Variants in ROBO1 observed in about 807,000 individuals in gnomAD.
ROBO1 encodes roundabout homolog 1.
A neutral mutation model predicts 195.9 loss-of-function variants in ROBO1; 149 were observed. The ratio of observed to expected loss-of-function variants is 0.76; its 90% CI spans 0.67 to 0.87. ROBO1 has a LOEUF of 0.87. Among genes scored for constraint, ROBO1 ranks in the 40% least tolerant of loss-of-function variants. ROBO1 has a pLI of 0.00. For synonymous variants in ROBO1, 816 were observed against 733.2 expected, an observed-to-expected ratio of 1.11 and a Z score of -1.82; for missense variants, 1,933 against 2,068.3, an observed-to-expected ratio of 0.93 and a Z score of 1.27.
At chr3:79,251,781 A>C (rs1164158385) in intron 2 of ROBO1, among the ~76,000 whole-genome samples, 2 of 151,404 alleles carry the variant, frequency 1.3e-5, no homozygotes, top group Non-Finnish European at 2.9e-5. Flanking sequence ...AAACAAACAA[A>C]CAAACAACCA....
chr3:78,633,938 A>T lies in ROBO1; in HGVS notation c.3478T>A (p.Ser1160Thr). 1 of 1,597,604 alleles carries T rather than the reference A, an allele frequency of 6.3e-7. No homozygotes were observed. Among genetic ancestry groups the T allele is most frequent in the Middle Eastern group, 1.7e-4 (1 of 6,000 alleles). The change falls in exon 24 of 31, where the codon TCT (serine) becomes ACT (threonine). Residue 1160 changes from serine (S) to threonine (T), a missense_variant. Physicochemically the swap from Ser to Thr is moderately conservative, Grantham distance 58. Transcript: ENST00000464233. ...YNSSDRGSSTSGSQGHKKGAR... is the reference protein window; with the variant it reads ...YNSSDRGSSTTGSQGHKKGAR... ...TTCTTTGGTTCATCTTACTTACCAG[A>T]TGTACTACTGCCCCGGTCTGAGCTG...
At chr3:79,417,791 G>A (rs944228034) in intron 2 of ROBO1, among the ~76,000 whole-genome samples, 54 of 152,250 alleles carry the variant, frequency 3.5e-4, no homozygotes, top group African/African-American at 1.3e-3. Flanking sequence ...CTATAGATTA[G>A]TTTTGTTGGA....
chr3:78,635,880 T>C lies in ROBO1; in HGVS notation c.3266A>G (p.Asn1089Ser). 7.4e-6 allele frequency: 12 copies of C among 1,613,896 alleles called. No homozygotes were observed. The highest frequency in any genetic ancestry group is 1.0e-5 in the Non-Finnish European group (12 of 1,179,824). The change falls in exon 23 of 31, where the codon AAT becomes AGT. Residue 1089 changes from asparagine (N) to serine (S), a missense_variant. Coordinates refer to ENST00000464233, the MANE Select transcript of ROBO1 (RefSeq NM_002941.4). The part of the protein sequence containing the change: ...IQSNLSNNMN[N>S]GSGDSGEKHW... ...CTTCTCGCCAGAGTCCCCGCTGCCATTGTTCATGTTGTTGCTGAGGTTTGA... is the reference window on the plus strand; with the variant it reads ...CTTCTCGCCAGAGTCCCCGCTGCCACTGTTCATGTTGTTGCTGAGGTTTGA...
intron 2 of ROBO1, among the ~76,000 whole-genome samples, chr3:79,248,632 G>T (rs1186632306): frequency 6.6e-6 from 1 of 152,268 alleles, no homozygotes; most frequent in Non-Finnish European, 1.5e-5. Flanking sequence ...ATGTAATAAG[G>T]ATTGGGAGGC....
intron 2 of ROBO1, among the ~76,000 whole-genome samples, chr3:79,276,597 A>G (rs2031054832): frequency 6.6e-6 from 1 of 152,090 alleles, no homozygotes; most frequent in Non-Finnish European, 1.5e-5. Flanking sequence ...AAGCATAGGC[A>G]ACCAAAGCAA....
At chr3:79,152,366 GA>G (rs1355300040) in intron 2 of ROBO1, among the ~76,000 whole-genome samples, 1 of 151,688 alleles carries the variant, frequency 6.6e-6, no homozygotes, top group East Asian at 1.9e-4. Context: ...GAAAGAAAGA[GA>G]AAAAAGAATG....
At chr3:79,704,953 T>G (rs1947724305) in intron 1 of ROBO1, among the ~76,000 whole-genome samples, 1 of 152,064 alleles carries the variant, frequency 6.6e-6, no homozygotes, top group Non-Finnish European at 1.5e-5. Context: ...GAGCTTCTTT[T>G]CATGTGCTTA....
chr3:78,668,380 C>A, intron 12 of ROBO1, 78 bp from the exon 13 acceptor site: 1 of 1,586,552 alleles, frequency 6.3e-7, no homozygotes, highest in East Asian at 2.2e-5. Context: ...ATAACATATT[C>A]ATACACCTAC....
At chr3:78,718,918 A>G (rs1043940074) in intron 5 of ROBO1, among the ~76,000 whole-genome samples, 19 of 144,272 alleles carry the variant, frequency 1.3e-4, no homozygotes, top group African/African-American at 4.9e-4. Flanking sequence ...GAAACATTCT[A>G]GCACATTTTT....
intron 3 of ROBO1, among the ~76,000 whole-genome samples, chr3:79,099,642 T>C (rs1295721299): frequency 6.6e-6 from 1 of 151,806 alleles, no homozygotes; most frequent in Non-Finnish European, 1.5e-5. Context: ...TTGAAAAATA[T>C]AGATATATTT....
chr3:79,411,604 G>A (rs2037769334), intron 2 of ROBO1, among the ~76,000 whole-genome samples: 1 of 152,100 alleles, frequency 6.6e-6, no homozygotes, highest in Non-Finnish European at 1.5e-5. Context: ...TGAACTTCAT[G>A]TTAAATTACA....
At chr3:78,927,450 A>G (rs2039284483) in intron 4 of ROBO1, among the ~76,000 whole-genome samples, 1 of 152,208 alleles carries the variant, frequency 6.6e-6, no homozygotes, top group South Asian at 2.1e-4. Flanking sequence ...TTCATACAAA[A>G]TGTTTTTGCA....
intron 2 of ROBO1, among the ~76,000 whole-genome samples, chr3:79,147,940 T>C (rs1270177929): frequency 1.3e-5 from 2 of 151,978 alleles, no homozygotes; most frequent in Non-Finnish European, 2.9e-5. Context: ...TGCCTGCTTA[T>C]AGTTAGCTTC....
chr3:79,516,767 C>T (rs1045762593), intron 2 of ROBO1, among the ~76,000 whole-genome samples: 4 of 151,998 alleles, frequency 2.6e-5, no homozygotes, highest in Non-Finnish European at 2.9e-5. Flanking sequence ...TGTTTGAGTA[C>T]AAACAAACAA....
chr3:79,727,942 CT>C (rs1702988110), intron 1 of ROBO1, among the ~76,000 whole-genome samples: 1 of 152,036 alleles, frequency 6.6e-6, no homozygotes, highest in Admixed American at 6.6e-5. Context: ...TAGCAACCTG[CT>C]TTTTATTTTA....
chr3:79,584,193 A>G (rs1481183570), intron 2 of ROBO1, among the ~76,000 whole-genome samples: 1 of 150,968 alleles, frequency 6.6e-6, no homozygotes, highest in Non-Finnish European at 1.5e-5. Context: ...CTATATGTGT[A>G]CATATATCAT....
chr3:79,319,026 A>G (rs1000759205), intron 2 of ROBO1, among the ~76,000 whole-genome samples: 1 of 152,196 alleles, frequency 6.6e-6, no homozygotes, highest in Non-Finnish European at 1.5e-5. Flanking sequence ...TTACATAGCT[A>G]AATTTTGTAG....
intron 3 of ROBO1, among the ~76,000 whole-genome samples, chr3:79,116,240 T>C (rs903852450): frequency 6.6e-6 from 1 of 152,122 alleles, no homozygotes; most frequent in Non-Finnish European, 1.5e-5. Flanking sequence ...CCTCTTCCTG[T>C]ATAATTTAAT....
At chr3:79,726,261 G>A (rs190512766) in intron 1 of ROBO1, among the ~76,000 whole-genome samples, 19 of 152,300 alleles carry the variant, frequency 1.2e-4, no homozygotes, top group Admixed American at 8.5e-4. Flanking sequence ...TGTTCTGGCT[G>A]TTAATCCCCT....
Sources: gnomAD v4.1 joint callset for allele counts (sites outside exome capture counted in the v4.1 genomes callset) on GRCh38, gnomAD v4.1.1 for gene constraint, MANE v1.5 for transcripts, NCBI Gene and HGNC (gene_info 2026-07-23, HGNC 2026-07-21) for gene names.